The following JPH3 variants were observed in gnomAD, a reference collection of about 807,000 sequenced individuals.
The protein encoded by JPH3 is junctophilin 3.
Under a neutral mutation model 59.6 loss-of-function variants are expected in JPH3, and 11 were observed. The ratio of observed to expected loss-of-function variants is 0.18; its 90% CI spans 0.12 to 0.31. The LOEUF (loss-of-function observed/expected upper bound fraction) is 0.31, where lower values mean the gene tolerates loss of function less well. Among genes scored for constraint, JPH3 ranks in the 10% least tolerant of loss-of-function variants. JPH3 has a pLI of 1.00. For synonymous variants in JPH3, 673 were observed against 483.6 expected (o/e 1.39, Z -5.14); for missense variants, 1,202 against 1,105.7 (o/e 1.09, Z -1.24).
At chr16:87,620,463 AGG>A (rs2031137929) in intron 1 of JPH3, among the ~76,000 whole-genome samples, 1 of 128,414 alleles carries the variant, frequency 7.8e-6, no homozygotes, top group African/African-American at 3.0e-5. Flanking sequence ...AAGGAGAGAG[AGG>A]GAGAGAAGGA....
intron 4 of JPH3, chr16:87,695,808 C>G (rs2033815255): frequency 4.4e-6 from 2 of 455,968 alleles, no homozygotes; most frequent in Non-Finnish European, 8.8e-6. Context: ...GGAAAAGGCT[C>G]TGTTGTGAGA....
At chr16:87,655,699 C>G (rs185049491) in intron 2 of JPH3, among the ~76,000 whole-genome samples, 1 of 152,352 alleles carries the variant, frequency 6.6e-6, no homozygotes, top group African/African-American at 2.4e-5. Context: ...TAGTCATAAC[C>G]GTTTCCAAGG....
chr16:87,650,301 C>T (rs899068083), intron 2 of JPH3, among the ~76,000 whole-genome samples: 4 of 152,178 alleles, frequency 2.6e-5, no homozygotes, highest in Admixed American at 1.3e-4. Flanking sequence ...TGCCACACAT[C>T]GCACCCATAT....
intron 2 of JPH3, among the ~76,000 whole-genome samples, chr16:87,677,782 C>T (rs532381027): frequency 6.6e-6 from 1 of 152,196 alleles, no homozygotes; most frequent in South Asian, 2.1e-4. Flanking sequence ...CACCCACCTA[C>T]GAGTGTGTAC....
In JPH3 at chr16:87,680,266, T is replaced by A. The variant is rs149833127; in HGVS notation, c.1161-3876T>A. Among the ~76,000 whole-genome samples the A allele has an allele frequency of 8.3e-4, 126 of 152,290 alleles. 1 individual carries two copies. The highest frequency in any genetic ancestry group is 2.7e-3 in the African/African-American group (113 of 41,566). On this transcript the variant is annotated intron_variant, in intron 2 of 4. Transcript: ENST00000284262. ...AGTGATCCCTGAGCCACCACATTGGTAAGACTGGCTGGAGCTGAAGGTCCG... is the reference window on the plus strand; with the variant it reads ...AGTGATCCCTGAGCCACCACATTGGAAAGACTGGCTGGAGCTGAAGGTCCG...
Position 87,661,975 on chromosome 16 carries a change from C to T in JPH3, c.1160+16940C>T, listed in dbSNP as rs187240085. Among the ~76,000 whole-genome samples, 358 of 152,344 alleles carry T rather than the reference C, an allele frequency of 2.3e-3. 2 individuals are homozygous for T. The highest frequency in any genetic ancestry group is 7.7e-3 in the African/African-American group (321 of 41,586). On this transcript the variant is annotated intron_variant, in intron 2 of 4. Coordinates refer to ENST00000284262, the MANE Select transcript of JPH3 (RefSeq NM_020655.4). ...GCAGTTGATTTTACGCTCACAGATT[C>T]GTCCTGTTATTTAGTATGTTAATTC... is the stretch of plus-strand genomic sequence containing the variant.
At chr16:87,667,425 A>G (rs1333622241) in intron 2 of JPH3, among the ~76,000 whole-genome samples, 2 of 152,214 alleles carry the variant, frequency 1.3e-5, no homozygotes, top group Non-Finnish European at 2.9e-5. Context: ...GATCCGAACA[A>G]TCGTCCTTCT....
chr16:87,680,996 G>C (rs566714713), intron 2 of JPH3, among the ~76,000 whole-genome samples: 62 of 152,318 alleles, frequency 4.1e-4, no homozygotes, highest in African/African-American at 1.4e-3. Context: ...CATTGTGGTC[G>C]AGGTCTGAAC....
Position 87,604,494 on chromosome 16 carries a change from G to T in JPH3, c.382+966G>T, listed in dbSNP as rs571118630. The T allele has an allele frequency of 1.0e-4, 137 of 1,326,886 alleles. 3 individuals are homozygous for T. The African/African-American group carries it at 1.9e-3, about 19-fold the overall frequency. The allele number at this position is 1,326,886 out of a possible 1,614,324, so 82.2% of individuals were successfully genotyped here. ...TTCCCCGACCAGTCCACTCCCATGT[G>T]GGAGCTTATCCTCAGAGGCACTGGG... On this transcript the variant is annotated intron_variant, in intron 1 of 4. Coordinates refer to ENST00000284262, the MANE Select transcript of JPH3 (RefSeq NM_020655.4).
chr16:87,657,976 C>G lies in JPH3; in HGVS notation c.1160+12941C>G, dbSNP rs146583935. Among the ~76,000 whole-genome samples the G allele has an allele frequency of 2.7e-4, 41 of 152,262 alleles. No homozygotes were observed. The South Asian group carries it at 6.8e-3, about 25-fold the overall frequency. Reference sequence around the variant, plus strand: ...TACCAACCTGGCCTCACAGTGGTCACGCTCCAGGACATAAATGTCCCCTCT... The same window carrying G: ...TACCAACCTGGCCTCACAGTGGTCAGGCTCCAGGACATAAATGTCCCCTCT... On this transcript the variant is annotated intron_variant, in intron 2 of 4. Transcript: ENST00000284262.
intron 2 of JPH3, among the ~76,000 whole-genome samples, chr16:87,680,114 A>G (rs994841772): frequency 2.0e-5 from 3 of 152,240 alleles, no homozygotes; most frequent in African/African-American, 7.2e-5. Flanking sequence ...TGCCTTGGCA[A>G]TGACACCTGA....
chr16:87,696,218 C>T (rs1343247425), intron 4 of JPH3: 5 of 438,876 alleles, frequency 1.1e-5, no homozygotes, highest in African/African-American at 4.0e-5. Context: ...GAGAAGCCTG[C>T]TGACTGGCAC....
At chr16:87,656,735 C>T (rs56340140) in intron 2 of JPH3, among the ~76,000 whole-genome samples, 29,992 of 152,120 alleles carry the variant, frequency 0.2, 3,215 homozygotes, top group East Asian at 0.31. Context: ...GCTCGTCTCT[C>T]TCCTGGTGTC....
At chr16:87,689,107 G>A (rs74039469) in intron 3 of JPH3, among the ~76,000 whole-genome samples, 9,150 of 152,194 alleles carry the variant, frequency 0.06, 899 homozygotes, top group African/African-American at 0.2. Context: ...CAGCAGCCTC[G>A]AAAGGTGGGG....
chr16:87,631,660 C>A (rs922986330), intron 1 of JPH3, among the ~76,000 whole-genome samples: 2 of 152,170 alleles, frequency 1.3e-5, no homozygotes, highest in African/African-American at 4.8e-5. Flanking sequence ...CTGTTTAAAT[C>A]TTTGCCCATT....
At chr16:87,630,671 T>C (rs2031537702) in intron 1 of JPH3, among the ~76,000 whole-genome samples, 1 of 152,220 alleles carries the variant, frequency 6.6e-6, no homozygotes, top group Non-Finnish European at 1.5e-5. Context: ...TAAGGTGACA[T>C]TTGGTGCTAA....
chr16:87,616,459 C>T (rs528631321), intron 1 of JPH3, among the ~76,000 whole-genome samples: 63 of 150,978 alleles, frequency 4.2e-4, no homozygotes, highest in African/African-American at 1.3e-3. Flanking sequence ...ACCGTGTTAG[C>T]CAGGATGGTC....
chr16:87,691,352 C>T lies in JPH3; in HGVS notation c.2166+826C>T, dbSNP rs193212175. ...ACGGTGGCTACATAGGATCTGCGCA[C>T]GGCCAGGCCCTCACCCCAGCAGGGC... is the stretch of plus-strand genomic sequence containing the variant. On this transcript the variant is annotated intron_variant, in intron 4 of 4. Coordinates refer to ENST00000284262, the MANE Select transcript of JPH3 (RefSeq NM_020655.4). Among the ~76,000 whole-genome samples, 37 of 152,334 alleles carry T rather than the reference C, an allele frequency of 2.4e-4. No individual in the cohort carries two copies. The East Asian group carries it at 5.0e-3, about 21-fold the overall frequency.
chr16:87,680,573 T>G (rs1366696404), intron 2 of JPH3, among the ~76,000 whole-genome samples: 1 of 152,154 alleles, frequency 6.6e-6, no homozygotes, highest in African/African-American at 2.4e-5. Flanking sequence ...CGTGACTAGG[T>G]GGAGGCACTA....
Sources: gnomAD v4.1 joint callset for allele counts (sites outside exome capture counted in the v4.1 genomes callset) on GRCh38, gnomAD v4.1.1 for gene constraint, MANE v1.5 for transcripts, NCBI Gene and HGNC (gene_info 2026-07-23, HGNC 2026-07-21) for gene names.